NCKAP5: variants seen among roughly 807,000 people sequenced by gnomAD.
The protein encoded by NCKAP5 is nck-associated protein 5.
Under a neutral mutation model 167.0 loss-of-function variants are expected in NCKAP5, and 92 were observed. That is an observed-to-expected ratio of 0.55 (90% CI 0.47 to 0.66). NCKAP5 has a LOEUF of 0.66. Among genes scored for constraint, NCKAP5 ranks in the 30% least tolerant of loss-of-function variants. The probability of loss-of-function intolerance (pLI) is 0.00; values close to 1 mark genes in which losing one functional copy is unlikely to be tolerated. For missense variants in NCKAP5, 2,378 were observed against 2,315.0 expected (o/e 1.03, Z -0.56); for synonymous variants, 891 against 877.4 (o/e 1.02, Z -0.27).
chr2:133,158,821 A>T (rs2083675931), intron 5 of NCKAP5, among the ~76,000 whole-genome samples: 1 of 151,970 alleles, frequency 6.6e-6, no homozygotes, highest in Non-Finnish European at 1.5e-5. Context: ...ATCACTCAAC[A>T]ACTAAAGTTA....
chr2:132,882,498 G>A (rs1469818890), intron 8 of NCKAP5, among the ~76,000 whole-genome samples: 1 of 152,090 alleles, frequency 6.6e-6, no homozygotes, highest in Non-Finnish European at 1.5e-5. Context: ...CTTACCATGT[G>A]TACAAAATTG....
the NCKAP5 span, among the ~76,000 whole-genome samples, chr2:133,624,410 T>C: frequency 6.6e-6 from 1 of 151,952 alleles, no homozygotes; most frequent in African/African-American, 2.4e-5. Context: ...TACCCATGAG[T>C]GTCTCAGTCC....
intron 3 of NCKAP5, among the ~76,000 whole-genome samples, chr2:133,309,440 T>A (rs1681074499): frequency 1.3e-5 from 2 of 152,246 alleles, no homozygotes; most frequent in Non-Finnish European, 1.5e-5. Context: ...AGTGTTCTGA[T>A]AAAAGCATTT....
chr2:133,321,914 G>T (rs1682084663), intron 3 of NCKAP5, among the ~76,000 whole-genome samples: 1 of 152,266 alleles, frequency 6.6e-6, no homozygotes, highest in South Asian at 2.1e-4. Flanking sequence ...CACTCCATTT[G>T]CTAGTACTGC....
chr2:133,647,400 G>A, the NCKAP5 span, among the ~76,000 whole-genome samples: 30 of 120,622 alleles, frequency 2.5e-4, no homozygotes, highest in African/African-American at 1.1e-3. Context: ...AGGAAGGAAG[G>A]AAGGAAGGAA....
chr2:133,518,382 T>G (rs4953884), intron 2 of NCKAP5, among the ~76,000 whole-genome samples: 42,898 of 114,186 alleles, frequency 0.38, 8,199 homozygotes, highest in East Asian at 0.66. Context: ...TGGGATGGAA[T>G]CTCGCTCTGT....
chr2:133,442,266 A>G (rs1391592059), intron 3 of NCKAP5, among the ~76,000 whole-genome samples: 1 of 152,182 alleles, frequency 6.6e-6, no homozygotes, highest in Non-Finnish European at 1.5e-5. Context: ...GGGCTGAATT[A>G]ATGACTCTAG....
intron 10 of NCKAP5, among the ~76,000 whole-genome samples, chr2:132,863,165 T>C (rs16842718): frequency 0.28 from 43,108 of 152,072 alleles, 6,710 homozygotes; most frequent in East Asian, 0.45. Flanking sequence ...CTGTGTCTCA[T>C]GCTGATTTTT....
rs189570494 is a variant in NCKAP5, at chr2:133,522,567, C to T, written c.-61-4980G>A. On this transcript the variant is annotated intron_variant, in intron 2 of 19. Coordinates refer to ENST00000409261, the MANE Select transcript of NCKAP5 (RefSeq NM_207363.3). ...TTCTGTGTTCCCCTAGGTAGTATAA[C>T]ACCTAATGCATAGCACATGAAGAAC... Among the ~76,000 whole-genome samples the T allele has an allele frequency of 6.4e-4, 97 of 152,292 alleles. No individual in the cohort carries two copies. In the East Asian group the frequency reaches 0.016, roughly 25 times the overall value.
the NCKAP5 span, among the ~76,000 whole-genome samples, chr2:133,638,169 T>G: frequency 6.6e-6 from 1 of 152,116 alleles, no homozygotes; most frequent in Non-Finnish European, 1.5e-5. Context: ...TATGAATAGA[T>G]TTTCACTGGA....
At chr2:133,153,926 C>T (rs1405764061) in intron 5 of NCKAP5, among the ~76,000 whole-genome samples, 2 of 151,114 alleles carry the variant, frequency 1.3e-5, no homozygotes, top group Admixed American at 1.3e-4. Context: ...ACCTCCTCCC[C>T]CCAAGAAGGG....
chr2:133,492,535 C>A (rs985700089), intron 3 of NCKAP5, among the ~76,000 whole-genome samples: 1 of 152,100 alleles, frequency 6.6e-6, no homozygotes, highest in Non-Finnish European at 1.5e-5. Context: ...GGATCTGGAA[C>A]GATCAGAAAT....
intron 8 of NCKAP5, chr2:132,954,845 T>C (rs1421034957): frequency 2.8e-6 from 1 of 360,632 alleles, no homozygotes; most frequent in Non-Finnish European, 5.4e-6. Context: ...AGAAAACTGC[T>C]AGTACAAAGT....
At chr2:132,910,884 C>T (rs1034012969) in intron 8 of NCKAP5, among the ~76,000 whole-genome samples, 22 of 152,152 alleles carry the variant, frequency 1.4e-4, no homozygotes, top group African/African-American at 5.1e-4. Context: ...TTCTCTTTTG[C>T]CTGGTAACTC....
chr2:133,547,812 G>A (rs1283226194), intron 2 of NCKAP5, among the ~76,000 whole-genome samples: 19 of 148,242 alleles, frequency 1.3e-4, no homozygotes, highest in Non-Finnish European at 2.2e-4. Context: ...ACTCTAAAAC[G>A]CAGAGCGCCT....
intron 5 of NCKAP5, among the ~76,000 whole-genome samples, chr2:133,148,573 A>G (rs759284782): frequency 6.6e-6 from 1 of 152,110 alleles, no homozygotes; most frequent in African/African-American, 2.4e-5. Flanking sequence ...CAAAAATCCT[A>G]CAGACTGGGT....
chr2:133,616,153 T>G, the NCKAP5 span, among the ~76,000 whole-genome samples: 1 of 151,172 alleles, frequency 6.6e-6, no homozygotes, highest in East Asian at 1.9e-4. Flanking sequence ...TTCAAAGCAG[T>G]GTGTAGAGGG....
chr2:132,838,528 A>G (rs1337662971), intron 11 of NCKAP5, among the ~76,000 whole-genome samples: 3 of 152,126 alleles, frequency 2.0e-5, no homozygotes, highest in Non-Finnish European at 4.4e-5. Context: ...GCTACTCGGG[A>G]GGCTGAGGAA....
intron 6 of NCKAP5, among the ~76,000 whole-genome samples, chr2:133,042,346 A>G (rs961170539): frequency 2.0e-4 from 30 of 152,132 alleles, no homozygotes; most frequent in African/African-American, 7.0e-4. Context: ...ACTGGTAAAT[A>G]ATGAAAATTA....
Sources: allele counts gnomAD v4.1 joint callset (sites outside exome capture counted in the v4.1 genomes callset), GRCh38; gene constraint gnomAD v4.1.1; transcripts MANE v1.5; gene names NCBI Gene and HGNC (gene_info 2026-07-23, HGNC 2026-07-21).